Variants in SLC25A21 observed in about 807,000 individuals in gnomAD.
SLC25A21 encodes the protein mitochondrial 2-oxodicarboxylate carrier.
Under a neutral mutation model 43.8 loss-of-function variants are expected in SLC25A21, and 47 were observed. The ratio of observed to expected loss-of-function variants is 1.07; its 90% CI spans 0.85 to 1.37. The LOEUF is 1.37. Ranked by LOEUF, SLC25A21 falls within the 40% of genes most tolerant of loss-of-function variation. The probability of loss-of-function intolerance (pLI) is 0.00; values close to 1 mark genes in which losing one functional copy is unlikely to be tolerated. For synonymous variants in SLC25A21, 131 were observed against 121.3 expected (o/e 1.08, Z -0.52); for missense variants, 352 against 350.2 (o/e 1.00, Z -0.04).
At chr14:36,999,624 A>G (rs1960444508) in intron 1 of SLC25A21, among the ~76,000 whole-genome samples, 1 of 152,176 alleles carries the variant, frequency 6.6e-6, no homozygotes, top group Non-Finnish European at 1.5e-5. Flanking sequence ...TAGAGGGTAT[A>G]TGAGAAATTT....
intron 1 of SLC25A21, among the ~76,000 whole-genome samples, chr14:36,968,880 T>C (rs1296883440): frequency 6.6e-6 from 1 of 152,176 alleles, no homozygotes; most frequent in Non-Finnish European, 1.5e-5. Flanking sequence ...TATTTTACTG[T>C]ACACATATCA....
intron 2 of SLC25A21, among the ~76,000 whole-genome samples, chr14:36,819,574 G>A (rs1185788829): frequency 6.6e-6 from 1 of 152,076 alleles, no homozygotes; most frequent in African/African-American, 2.4e-5. Context: ...AAATAAAATG[G>A]CTTTGCTGCC....
chr14:37,169,944 T>C (rs1406390737), intron 1 of SLC25A21, among the ~76,000 whole-genome samples: 1 of 152,202 alleles, frequency 6.6e-6, no homozygotes, highest in African/African-American at 2.4e-5. Flanking sequence ...TGCATTTATA[T>C]TAGTTACATT....
At chr14:36,867,989 C>T (rs141753329) in intron 2 of SLC25A21, among the ~76,000 whole-genome samples, 94 of 152,090 alleles carry the variant, frequency 6.2e-4, no homozygotes, top group African/African-American at 2.1e-3. Context: ...GCTATTTACA[C>T]ACACACAAAC....
chr14:36,697,295 T>C (rs1277052149), intron 7 of SLC25A21, among the ~76,000 whole-genome samples: 3 of 152,214 alleles, frequency 2.0e-5, no homozygotes, highest in Non-Finnish European at 2.9e-5. Context: ...TGATTTTTGT[T>C]CCTTTACATT....
intron 1 of SLC25A21, among the ~76,000 whole-genome samples, chr14:36,915,830 G>A (rs751131603): frequency 9.2e-5 from 14 of 152,048 alleles, no homozygotes; most frequent in Non-Finnish European, 1.6e-4. Context: ...GCCTGGTAAC[G>A]TTGAAAAATG....
chr14:36,907,062 C>T (rs1346777613), intron 1 of SLC25A21, among the ~76,000 whole-genome samples: 2 of 151,916 alleles, frequency 1.3e-5, no homozygotes, highest in East Asian at 1.9e-4. Flanking sequence ...ATAGGGGGAT[C>T]GTATCTCTAG....
chr14:37,080,018 G>C (rs1019530540), intron 1 of SLC25A21, among the ~76,000 whole-genome samples: 7 of 152,074 alleles, frequency 4.6e-5, no homozygotes, highest in Non-Finnish European at 8.8e-5. Context: ...CCATCTATTA[G>C]CCAGAAAGAA....
intron 9 of SLC25A21, among the ~76,000 whole-genome samples, chr14:36,683,319 A>G (rs150292892): frequency 2.6e-5 from 4 of 152,310 alleles, no homozygotes; most frequent in Middle Eastern, 3.4e-3. Context: ...AAAGCCCAGG[A>G]GAGGTAAGCA....
intron 2 of SLC25A21, among the ~76,000 whole-genome samples, chr14:36,833,101 A>G (rs1281005423): frequency 1.3e-5 from 2 of 152,236 alleles, no homozygotes; most frequent in Non-Finnish European, 2.9e-5. Flanking sequence ...CAAAAAGAGG[A>G]TACACAAGGA....
At chr14:37,019,790 C>T (rs1434791180) in intron 1 of SLC25A21, among the ~76,000 whole-genome samples, 1 of 151,652 alleles carries the variant, frequency 6.6e-6, no homozygotes, top group Non-Finnish European at 1.5e-5. Flanking sequence ...ACAGGTAAGA[C>T]CAGATGGTGA....
At chr14:36,851,098 AT>A (rs1370917278) in intron 2 of SLC25A21, among the ~76,000 whole-genome samples, 8 of 152,200 alleles carry the variant, frequency 5.3e-5, no homozygotes, top group African/African-American at 1.9e-4. Flanking sequence ...GGAAAATATT[AT>A]TGTTATGAAT....
At chr14:36,684,988 C>G in intron 7 of SLC25A21, 63 bp from the exon 8 acceptor site, 1 of 1,348,624 alleles carries the variant, frequency 7.4e-7, no homozygotes, top group Non-Finnish European at 1.0e-6. Context: ...CAGTTAAACA[C>G]TATAAAGCAA....
At chr14:36,717,006 C>G (rs1387895431) in intron 6 of SLC25A21, among the ~76,000 whole-genome samples, 1 of 152,082 alleles carries the variant, frequency 6.6e-6, no homozygotes, top group Admixed American at 6.5e-5. Context: ...GAAAGCAAAC[C>G]GGATGAGACT....
intron 2 of SLC25A21, among the ~76,000 whole-genome samples, chr14:36,827,707 G>A (rs1411588162): frequency 6.6e-6 from 1 of 152,098 alleles, no homozygotes; most frequent in African/African-American, 2.4e-5. Context: ...GTCAGGTTAG[G>A]TTTCAGTTAA....
chr14:36,893,004 A>G (rs911204666), intron 1 of SLC25A21, among the ~76,000 whole-genome samples: 9 of 152,146 alleles, frequency 5.9e-5, no homozygotes, highest in African/African-American at 2.2e-4. Flanking sequence ...TGCTGCAATA[A>G]ACATACGTGT....
At chr14:37,035,131 AT>A (rs1961300784) in intron 1 of SLC25A21, among the ~76,000 whole-genome samples, 1 of 152,190 alleles carries the variant, frequency 6.6e-6, no homozygotes, top group East Asian at 1.9e-4. Context: ...TCAGACACGC[AT>A]TTTTGGCAGT....
At chr14:36,886,627 C>T (rs1217210922) in intron 1 of SLC25A21, among the ~76,000 whole-genome samples, 2 of 152,000 alleles carry the variant, frequency 1.3e-5, no homozygotes, top group African/African-American at 4.8e-5. Context: ...TGGAGCATGT[C>T]TAAAGGAGGA....
chr14:36,944,625 G>A (rs1400870015), intron 1 of SLC25A21, among the ~76,000 whole-genome samples: 3 of 152,138 alleles, frequency 2.0e-5, no homozygotes, highest in Non-Finnish European at 4.4e-5. Context: ...GACTACGAAT[G>A]TCCTATTCAA....
Sources: gnomAD v4.1 joint callset for allele counts (sites outside exome capture counted in the v4.1 genomes callset) on GRCh38, gnomAD v4.1.1 for gene constraint, MANE v1.5 for transcripts, NCBI Gene and HGNC (gene_info 2026-07-23, HGNC 2026-07-21) for gene names.